Variants in OR2A5 observed in about 807,000 individuals in gnomAD.
OR2A5 encodes olfactory receptor 2A5.
Under a neutral mutation model 1.9 loss-of-function variants are expected in OR2A5, and 2 were observed. The ratio of observed to expected loss-of-function variants is 1.04; its 90% confidence interval spans 0.43 to 3.28. The LOEUF (loss-of-function observed/expected upper bound fraction) is 3.28. Among genes scored for constraint, OR2A5 ranks in the 30% most tolerant of loss-of-function variants. OR2A5 has a pLI of 0.08. For synonymous variants in OR2A5, 160 were observed against 154.5 expected (o/e 1.04, Z -0.26); for missense variants, 391 against 375.9 (o/e 1.04, Z -0.33).
At position 144,056,392 on chromosome 7, in the gene OR2A5, A is replaced by T. The variant is rs182038856; in HGVS notation, c.*5055A>T. ...AGTCTCACTATAGGTACATAATTCT[A>T]AACCATTTACGTAAGATCCAGGTCT... On this transcript the variant is annotated 3_prime_UTR_variant, in exon 2 of 2. Transcript: ENST00000641693. The T allele has an allele frequency of 4.6e-5, 7 of 152,284 alleles. No homozygotes were observed. Among genetic ancestry groups the T allele is most frequent in the Admixed American group, 4.6e-4 (7 of 15,296 alleles). The allele number at this position is 152,284 out of a possible 1,614,324, so 9.4% of individuals were successfully genotyped here.
At position 144,054,604 on chromosome 7, in the gene OR2A5, C is replaced by T. The variant is rs1472657705; in HGVS notation, c.*3267C>T. 6.6e-6 allele frequency: 1 copy of T among 152,150 alleles called. No homozygotes were observed. The highest frequency in any genetic ancestry group is 1.5e-5 in the Non-Finnish European group (1 of 68,032). 9.4% of individuals were successfully genotyped at this position (152,150 alleles called of 1,614,324 possible). ...TTTGGTTGGTGATATTGGGGAAGGTCTCCACCAAAGGAGGTTGAAGGTTAG... is the reference window on the plus strand; with the variant it reads ...TTTGGTTGGTGATATTGGGGAAGGTTTCCACCAAAGGAGGTTGAAGGTTAG... On this transcript the variant is annotated 3_prime_UTR_variant, in exon 2 of 2. Transcript: ENST00000641693.
Position 144,050,669 on chromosome 7 carries a change from A to T in OR2A5, c.268A>T (p.Lys90Ter), listed in dbSNP as rs370770514. 40 of 1,614,066 alleles carry T rather than the reference A, an allele frequency of 2.5e-5. No homozygotes were observed. Among genetic ancestry groups the T allele is most frequent in the Non-Finnish European group, 3.1e-5 (37 of 1,180,046 alleles). The change falls in exon 2 of 2, where the codon AAA becomes TAA. Residue 90 changes from lysine to a stop codon, truncating the protein, a stop_gained. Transcript: ENST00000641693. LOFTEE classifies it low-confidence loss of function (END_TRUNC). ...GACAAACCTTGGCTTGAACAAGAGA[A>T]AAACAATCTCCTTTGTCCCATGCAC... ...MLTNLGLNKR[K>*]TISFVPCTMQ...
At position 144,055,090 on chromosome 7, in the gene OR2A5, C is replaced by T. The variant is rs886248049; in HGVS notation, c.*3753C>T. 6.6e-6 allele frequency: 1 copy of T among 151,758 alleles called. No individual in the cohort carries two copies. The highest frequency in any genetic ancestry group is 6.6e-5 in the Admixed American group (1 of 15,258). The allele number at this position is 151,758 out of a possible 1,614,324, so 9.4% of individuals were successfully genotyped here. ...TTGAAATGACTGTGTTTCCATAGCC[C>T]GGAAAAAAGGAGGAATAAAGCAAAC... On this transcript the variant is annotated 3_prime_UTR_variant, in exon 2 of 2. Coordinates refer to ENST00000641693, the MANE Select transcript of OR2A5 (RefSeq NM_012365.2).
Position 144,050,957 on chromosome 7 carries a change from A to T in OR2A5, c.556A>T (p.Lys186Ter), listed in dbSNP as rs746556739. ...HFFCEILSVLKLACADTWLNQ... is the reference protein window; with the variant it reads ...HFFCEILSVL ...CTTCTGTGAAATCCTGTCTGTCCTC[A>T]AGTTGGCCTGTGCTGACACCTGGCT... Residue 186 changes from lysine to a stop codon, truncating the protein, a stop_gained, in exon 2 of 2, where the codon AAG becomes TAG. Transcript: ENST00000641693. LOFTEE classifies it high-confidence loss of function. 1.2e-6 allele frequency: 2 copies of T among 1,614,072 alleles called. No individual in the cohort carries two copies. Among genetic ancestry groups the T allele is most frequent in the Non-Finnish European group, 1.7e-6 (2 of 1,180,022 alleles).
At chr7:144,049,369 C>T (rs1393929713) in intron 1 of OR2A5, among the ~76,000 whole-genome samples, 1 of 152,282 alleles carries the variant, frequency 6.6e-6, no homozygotes, top group East Asian at 1.9e-4. Context: ...TCCTGGTTTC[C>T]CCTTTCTATA....
In OR2A5 at chr7:144,050,557, C is replaced by A; in HGVS notation, c.156C>A (p.Ser52=). ...GAILGLIWLD[S]RLHTPMYFFL... is the part of the protein sequence containing the mutation. ...TCCTGGGGCTCATCTGGCTGGACTC[C>A]AGACTGCACACCCCCATGTACTTCT... Residue 52 remains serine (S), a synonymous_variant, in exon 2 of 2, where the codon TCC becomes TCA. Coordinates refer to ENST00000641693, the MANE Select transcript of OR2A5 (RefSeq NM_012365.2). The A allele has an allele frequency of 2.5e-6, 4 of 1,609,904 alleles. No homozygotes were observed. The highest frequency in any genetic ancestry group is 3.4e-6 in the Non-Finnish European group (4 of 1,177,786).
At position 144,051,059 on chromosome 7, in the gene OR2A5, C is replaced by A. The variant is rs370941449; in HGVS notation, c.658C>A (p.Arg220Ser). 2.4e-5 allele frequency: 39 copies of A among 1,614,168 alleles called. No individual in the cohort carries two copies. In the East Asian group the frequency reaches 2.5e-4, roughly 10 times the overall value. The change falls in exon 2 of 2, where the codon CGC becomes AGC. Residue 220 changes from arginine to serine, a missense_variant. By Grantham distance (110) the Arg-to-Ser change is moderately radical. Transcript: ENST00000641693. ...CTGCCTGGTGCTGGTCTCCTACTCG[C>A]GCATCCTGGCGGCCATCTTGAGGAT... ...PLCLVLVSYS[R>S]ILAAILRIQS... is the part of the protein sequence containing the mutation.
rs1196366411 is a variant in OR2A5, at chr7:144,053,092, C to T, written c.*1755C>T. 6.6e-6 allele frequency: 1 copy of T among 151,986 alleles called. No individual in the cohort carries two copies. Among genetic ancestry groups the T allele is most frequent in the Non-Finnish European group, 1.5e-5 (1 of 67,978 alleles). 9.4% of individuals were successfully genotyped at this position (151,986 alleles called of 1,614,324 possible). The stretch of plus-strand genomic sequence containing the variant: ...TTTACCTAGGGTACAGTGGAAAAAT[C>T]AGGGGGTATAATTCATCCTATGTCA... On this transcript the variant is annotated 3_prime_UTR_variant, in exon 2 of 2. Transcript: ENST00000641693.
At chr7:144,049,792 T>C (rs1012521028) in intron 1 of OR2A5, among the ~76,000 whole-genome samples, 30 of 152,228 alleles carry the variant, frequency 2.0e-4, no homozygotes, top group African/African-American at 7.2e-4. Flanking sequence ...AAACATTTAA[T>C]GCAAGCTTTA....
At chr7:144,049,492 C>T (rs1234356241) in intron 1 of OR2A5, among the ~76,000 whole-genome samples, 1 of 152,172 alleles carries the variant, frequency 6.6e-6, no homozygotes. Flanking sequence ...TAACGTAATG[C>T]CTTTCATTCG....
rs1387182806 is a variant in OR2A5 at position 144,051,052 on chromosome 7, C to A, written c.651C>A (p.Ser217=). The A allele has an allele frequency of 6.2e-7, 1 of 1,614,202 alleles. No individual in the cohort carries two copies. Among genetic ancestry groups the A allele is most frequent in the East Asian group, 2.2e-5 (1 of 44,876 alleles). ...LVGPLCLVLV[S]YSRILAAILR... is the part of the protein sequence containing the mutation. ...GGCCGCTCTGCCTGGTGCTGGTCTC[C>A]TACTCGCGCATCCTGGCGGCCATCT... Residue 217 remains serine (S), a synonymous_variant, in exon 2 of 2, where the codon TCC becomes TCA. Transcript: ENST00000641693.
At chr7:144,049,657 C>G (rs947280714) in intron 1 of OR2A5, among the ~76,000 whole-genome samples, 1 of 152,202 alleles carries the variant, frequency 6.6e-6, no homozygotes, top group African/African-American at 2.4e-5. Flanking sequence ...ACATAGATAA[C>G]CACTTGCCCT....
rs942080241 is a variant in OR2A5, at chr7:144,052,101, T to C, written c.*764T>C. On this transcript the variant is annotated 3_prime_UTR_variant, in exon 2 of 2. Transcript: ENST00000641693. The stretch of plus-strand genomic sequence containing the variant: ...AGGTGACAATTTATCATTACGGTGA[T>C]TACATAAAATATTGTAGTAGTAAGA... The C allele has an allele frequency of 1.3e-5, 2 of 152,176 alleles. No individual in the cohort carries two copies. The allele number at this position is 152,176 out of a possible 1,614,324, so 9.4% of individuals were successfully genotyped here.
Position 144,053,251 on chromosome 7 carries a change from T to A in OR2A5, c.*1914T>A, listed in dbSNP as rs191754710. ...TCTAATTTTATATATATATATATAT[T>A]GAATACATTACAGAAAATACCTGAG... On this transcript the variant is annotated 3_prime_UTR_variant, in exon 2 of 2. Coordinates refer to ENST00000641693, the MANE Select transcript of OR2A5 (RefSeq NM_012365.2). 185 of 151,786 alleles carry A rather than the reference T, an allele frequency of 1.2e-3. No homozygotes were observed. In the East Asian group the frequency reaches 0.013, roughly 10 times the overall value. 9.4% of individuals were successfully genotyped at this position (151,786 alleles called of 1,614,324 possible).
rs534139100 is a variant in OR2A5, at chr7:144,052,173, G to A, written c.*836G>A. 3 of 152,256 alleles carry A rather than the reference G, an allele frequency of 2.0e-5. No individual in the cohort carries two copies. In the South Asian group the frequency reaches 6.2e-4, roughly 32 times the overall value. The allele number at this position is 152,256 out of a possible 1,614,324, so 9.4% of individuals were successfully genotyped here. A position where few individuals can be genotyped will look rare whatever the true frequency, so the allele number is the denominator to read the frequency against. On this transcript the variant is annotated 3_prime_UTR_variant, in exon 2 of 2. Coordinates refer to ENST00000641693, the MANE Select transcript of OR2A5 (RefSeq NM_012365.2). Reference sequence around the variant, plus strand: ...CATCAAGGGAAACTGACAGCTTGATGTAACATCATAGACCACCGCTTAGAA... The same window carrying A: ...CATCAAGGGAAACTGACAGCTTGATATAACATCATAGACCACCGCTTAGAA...
chr7:144,050,364 G>C lies in OR2A5; in HGVS notation c.-38G>C. 1 of 1,366,714 alleles carries C rather than the reference G, an allele frequency of 7.3e-7. No individual in the cohort carries two copies. The highest frequency in any genetic ancestry group is 1.0e-6 in the Non-Finnish European group (1 of 998,084). The allele number at this position is 1,366,714 out of a possible 1,614,324, so 84.7% of individuals were successfully genotyped here. On this transcript the variant is annotated 5_prime_UTR_variant, in exon 2 of 2. Coordinates refer to ENST00000641693, the MANE Select transcript of OR2A5 (RefSeq NM_012365.2). ...TTTGCTCCTCAGCACATAGCTCATT[G>C]CCACAGCAGAGTCCAACGCAGGTAC...
At position 144,050,629 on chromosome 7, in the gene OR2A5, T is replaced by C. The variant is rs374401927; in HGVS notation, c.228T>C (p.Asn76=). Residue 76 remains asparagine (N), a synonymous_variant, in exon 2 of 2, where the codon AAT becomes AAC. Transcript: ENST00000641693. Reference sequence around the variant, plus strand: ...TTGATATTTCGTATGCTTCCAACAATGTCCCCAAGATGCTGACAAACCTTG... The same window carrying C: ...TTGATATTTCGTATGCTTCCAACAACGTCCCCAAGATGCTGACAAACCTTG... ...AIIDISYASN[N]VPKMLTNLGL... 192 of 1,613,428 alleles carry C rather than the reference T, an allele frequency of 1.2e-4. No individual in the cohort carries two copies. Among genetic ancestry groups the C allele is most frequent in the Non-Finnish European group, 1.5e-4 (182 of 1,179,722 alleles).
In OR2A5 at chr7:144,051,946, T is replaced by A. The variant is rs1036456050; in HGVS notation, c.*609T>A. 1.3e-5 allele frequency: 2 copies of A among 152,316 alleles called. No individual in the cohort carries two copies. The highest frequency in any genetic ancestry group is 2.9e-5 in the Non-Finnish European group (2 of 68,122). 9.4% of individuals were successfully genotyped at this position (152,316 alleles called of 1,614,324 possible). A position where few individuals can be genotyped will look rare whatever the true frequency, so the allele number is the denominator to read the frequency against. ...AGGCAGAGAAATATCAGGATCTTTGTTTCATTTCACTTAATTCTGCACCAT... is the reference window on the plus strand; with the variant it reads ...AGGCAGAGAAATATCAGGATCTTTGATTCATTTCACTTAATTCTGCACCAT... On this transcript the variant is annotated 3_prime_UTR_variant, in exon 2 of 2. Coordinates refer to ENST00000641693, the MANE Select transcript of OR2A5 (RefSeq NM_012365.2).
chr7:144,051,172 C>T lies in OR2A5; in HGVS notation c.771C>T (p.Val257=). 6.2e-7 allele frequency: 1 copy of T among 1,614,216 alleles called. No homozygotes were observed. The highest frequency in any genetic ancestry group is 1.1e-5 in the South Asian group (1 of 91,084). Reference sequence around the variant, plus strand: ...GACTCTTCTTTGGCAGCGCCATTGTCATGTACATGGCCCCCAAGTCCCGCC... The same window carrying T: ...GACTCTTCTTTGGCAGCGCCATTGTTATGTACATGGCCCCCAAGTCCCGCC... ...MVGLFFGSAI[V]MYMAPKSRHP... Residue 257 remains valine, a synonymous_variant, in exon 2 of 2, where the codon GTC becomes GTT. Transcript: ENST00000641693.
Sources: allele counts gnomAD v4.1 joint callset (sites outside exome capture counted in the v4.1 genomes callset), GRCh38; gene constraint gnomAD v4.1.1; transcripts MANE v1.5; gene names NCBI Gene and HGNC (gene_info 2026-07-23, HGNC 2026-07-21).